The following PCNT variants were observed in gnomAD, a reference collection of about 807,000 sequenced individuals.
The protein encoded by PCNT is pericentrin.
A neutral mutation model predicts 380.4 loss-of-function variants in PCNT; 319 were observed. The ratio of observed to expected loss-of-function variants is 0.84; its 90% confidence interval spans 0.77 to 0.92. PCNT has a LOEUF of 0.92. Among genes scored for constraint, PCNT ranks in the 40% least tolerant of loss-of-function variants. PCNT has a pLI of 0.00. For missense variants in PCNT, 4,400 were observed against 4,255.3 expected, an observed-to-expected ratio of 1.03 and a Z score of -0.95; for synonymous variants, 1,845 against 1,735.2, an observed-to-expected ratio of 1.06 and a Z score of -1.57.
chr21:46,384,144 A>G (rs187771645), intron 16 of PCNT, among the ~76,000 whole-genome samples: 168 of 82,794 alleles, frequency 2.0e-3, no homozygotes, highest in East Asian at 0.018. Context: ...TGATGGAAGC[A>G]CATTCACAGT....
intron 14 of PCNT, among the ~76,000 whole-genome samples, chr21:46,365,086 C>G (rs2084851823): frequency 6.6e-6 from 1 of 152,172 alleles, no homozygotes; most frequent in Non-Finnish European, 1.5e-5. Context: ...GCCGCCTGCA[C>G]CTCCTTAATT....
At chr21:46,421,695 A>G (rs972058676) in intron 31 of PCNT, among the ~76,000 whole-genome samples, 2 of 152,232 alleles carry the variant, frequency 1.3e-5, no homozygotes, top group African/African-American at 2.4e-5. Flanking sequence ...AGAAGTGAGC[A>G]GAGGTCCCCT....
rs1229663143 is a variant in PCNT at position 46,416,110 on chromosome 21, C to T, written c.6192C>T (p.Val2064=). Residue 2064 remains valine (V), a synonymous_variant, in exon 30 of 47, where the codon GTC becomes GTT. Transcript: ENST00000359568. Reference sequence around the variant, plus strand: ...TGGAAGATTGTCAGCTGCCGAAGGTCGATCTCGTAGCTCAGGTGAAACAGC... The same window carrying T: ...TGGAAGATTGTCAGCTGCCGAAGGTTGATCTCGTAGCTCAGGTGAAACAGC... The part of the protein sequence containing the change: ...KVLEDCQLPK[V]DLVAQVKQLQ... 19 of 1,614,138 alleles carry T rather than the reference C, an allele frequency of 1.2e-5. No individual in the cohort carries two copies. Among genetic ancestry groups the T allele is most frequent in the Admixed American group, 1.7e-5 (1 of 60,026 alleles).
At position 46,425,201 on chromosome 21, in the gene PCNT, G is replaced by A. The variant is rs1324717492; in HGVS notation, c.7180-630G>A. Among the ~76,000 whole-genome samples the A allele has an allele frequency of 6.6e-6, 1 of 152,184 alleles. No individual in the cohort carries two copies. The highest frequency in any genetic ancestry group is 1.5e-5 in the Non-Finnish European group (1 of 68,040). On this transcript the variant is annotated intron_variant, in intron 32 of 46. Transcript: ENST00000359568. The surrounding 1 kb of genome is among the most constrained non-coding windows in gnomAD (Gnocchi z 4.2). The stretch of plus-strand genomic sequence containing the variant: ...CGTCTGCTTACCCCTCAGCCTCTCT[G>A]GCGAGACAGTCAAGTGTGTGTCCGG...
chr21:46,430,369 G>A, intron 36 of PCNT, 137 bp downstream of exon 36: 1 of 1,403,940 alleles, frequency 7.1e-7, no homozygotes, highest in Non-Finnish European at 9.8e-7. Flanking sequence ...TGCTGTCCCT[G>A]GGTTGATAAT....
chr21:46,391,450 C>A, intron 21 of PCNT, 74 bp downstream of exon 21: 1 of 1,237,672 alleles, frequency 8.1e-7, no homozygotes, highest in Non-Finnish European at 1.1e-6. Context: ...TCCCCAGCTC[C>A]CAAGGACACT....
intron 17 of PCNT, among the ~76,000 whole-genome samples, chr21:46,386,335 C>G (rs768391261): frequency 6.6e-6 from 1 of 152,272 alleles, no homozygotes. Context: ...GTCCCCGGCA[C>G]GGGGTGCAGG....
In PCNT at chr21:46,389,281, C is replaced by T. The variant is rs768982183; in HGVS notation, c.3690C>T (p.Ser1230=). 5.6e-6 allele frequency: 9 copies of T among 1,614,200 alleles called. No individual in the cohort carries two copies. The highest frequency in any genetic ancestry group is 2.2e-5 in the East Asian group (1 of 44,878). The change falls in exon 19 of 47, where the codon TCC becomes TCT. Residue 1230 remains serine, a synonymous_variant. Coordinates refer to ENST00000359568, the MANE Select transcript of PCNT (RefSeq NM_006031.6). ...RTLSECAEMS[S]VAEISSHMRE... ...TGTCTGAATGTGCAGAGATGTCTTC[C>T]GTGGCTGAAATTAGCAGCCACATGC...
At chr21:46,383,217 T>A (rs2085652808) in intron 16 of PCNT, among the ~76,000 whole-genome samples, 1 of 147,334 alleles carries the variant, frequency 6.8e-6, no homozygotes, top group Non-Finnish European at 1.5e-5. Context: ...ATGTTGTATA[T>A]TCAGTGGCGG....
In PCNT at chr21:46,438,270, T is replaced by C. The variant is rs2053515285; in HGVS notation, c.9206T>C (p.Leu3069Pro). 2.5e-6 allele frequency: 4 copies of C among 1,614,096 alleles called. No homozygotes were observed. Among genetic ancestry groups the C allele is most frequent in the Non-Finnish European group, 3.4e-6 (4 of 1,180,038 alleles). The change falls in exon 41 of 47, where the codon CTG (leucine) becomes CCG (proline). Residue 3069 changes from leucine (L) to proline (P), a missense_variant. Coordinates refer to ENST00000359568, the MANE Select transcript of PCNT (RefSeq NM_006031.6). ...LSTVTQEKLE[L>P]SRAVSKLEKL... ...ACGGTGACCCAGGAGAAGCTGGAGC[T>C]GAGCAGAGCCGTGTCTAAGCTTGAG...
At chr21:46,379,297 G>A (rs933877112) in intron 15 of PCNT, among the ~76,000 whole-genome samples, 2 of 151,824 alleles carry the variant, frequency 1.3e-5, no homozygotes, top group Non-Finnish European at 2.9e-5. Flanking sequence ...CCGTCTTCCC[G>A]GGCCGCGTGT....
rs536116120 is a variant in PCNT at position 46,381,728 on chromosome 21, A to T, written c.3200A>T (p.His1067Leu). ...GGAAGTGAAAAGAAAACTGCTTTGCATGAAAAAGAGGAGACACTTCGGCTT... is the reference window on the plus strand; with the variant it reads ...GGAAGTGAAAAGAAAACTGCTTTGCTTGAAAAAGAGGAGACACTTCGGCTT... ...EFGSEKKTALHEKEETLRLQS... is the reference protein window; with the variant it reads ...EFGSEKKTALLEKEETLRLQS... Residue 1067 changes from histidine (H) to leucine (L), a missense_variant, in exon 16 of 47, where the codon CAT becomes CTT. By Grantham distance (99) the His-to-Leu change is moderately conservative (BLOSUM62 -3). Transcript: ENST00000359568. 1 of 1,614,094 alleles carries T rather than the reference A, an allele frequency of 6.2e-7. No homozygotes were observed. The highest frequency in any genetic ancestry group is 1.3e-5 in the African/African-American group (1 of 74,952).
intron 15 of PCNT, among the ~76,000 whole-genome samples, chr21:46,367,736 C>T (rs1307514486): frequency 2.6e-5 from 4 of 152,138 alleles, no homozygotes; most frequent in African/African-American, 9.7e-5. Context: ...TTGGAGTATT[C>T]CTCAAGGCTG....
chr21:46,394,603 A>G (rs896963978), intron 21 of PCNT: 1 of 771,138 alleles, frequency 1.3e-6, no homozygotes. Context: ...TTTGCAAATT[A>G]TTTACTAAAG....
chr21:46,361,712 A>G (rs1192017260), intron 13 of PCNT, among the ~76,000 whole-genome samples: 1 of 152,206 alleles, frequency 6.6e-6, no homozygotes, highest in Admixed American at 6.5e-5. Context: ...TTCAGCGTGA[A>G]GGATCTCCTT....
chr21:46,372,179 ATG>A (rs2147004843), intron 15 of PCNT, among the ~76,000 whole-genome samples: 1 of 149,868 alleles, frequency 6.7e-6, no homozygotes, highest in African/African-American at 2.5e-5. Context: ...CACACAGCAC[ATG>A]CACACACAGC....
chr21:46,368,016 G>A (rs913505513), intron 15 of PCNT, among the ~76,000 whole-genome samples: 3 of 152,126 alleles, frequency 2.0e-5, no homozygotes, highest in Admixed American at 6.6e-5. Flanking sequence ...TTCACCGGGC[G>A]TGGGGGCACG....
Position 46,391,179 on chromosome 21 carries a change from T to C in PCNT, c.4019T>C (p.Phe1340Ser), listed in dbSNP as rs779383101. 1.2e-6 allele frequency: 2 copies of C among 1,602,684 alleles called. No individual in the cohort carries two copies. Among genetic ancestry groups the C allele is most frequent in the African/African-American group, 1.3e-5 (1 of 74,826 alleles). The part of the protein sequence containing the change: ...LHKTQGTLEG[F>S]KVETADLKEV... ...TCCCACAAAGGTACCCTTGAGGGAT[T>C]CAAGGTGGAGACAGCAGATCTGAAG... The change falls in exon 21 of 47, where the codon TTC becomes TCC. Residue 1340 changes from phenylalanine (F) to serine (S), a missense_variant. By Grantham distance (155) the Phe-to-Ser change is radical. Coordinates refer to ENST00000359568, the MANE Select transcript of PCNT (RefSeq NM_006031.6).
rs1297511937 is a variant in PCNT, at chr21:46,411,883, A to AC, written c.5812dup (p.Gln1938ProfsTer50). On this transcript the variant is annotated frameshift_variant, in exon 28 of 47. Transcript: ENST00000359568. LOFTEE classifies it high-confidence loss of function. Reference sequence around the variant, plus strand: ...CTCAGCCGCCAGCTGCAGGTGCTGCACCAGCGGTTCCTGAGGTGCCAGGTG... The same window carrying AC: ...CTCAGCCGCCAGCTGCAGGTGCTGCACCCAGCGGTTCCTGAGGTGCCAGGTG... 1 of 1,573,912 alleles carries AC rather than the reference A, an allele frequency of 6.4e-7. No individual in the cohort carries two copies. The highest frequency in any genetic ancestry group is 1.3e-5 in the African/African-American group (1 of 74,506).
Sources: gnomAD v4.1 joint callset for allele counts (sites outside exome capture counted in the v4.1 genomes callset) on GRCh38, gnomAD v4.1.1 for gene constraint, Gnocchi (gnomAD v3.1) non-coding constraint, MANE v1.5 for transcripts, NCBI Gene and HGNC (gene_info 2026-07-23, HGNC 2026-07-21) for gene names.